KIRREL3: variants seen among roughly 807,000 people sequenced by gnomAD.
The protein encoded by KIRREL3 is kin of IRRE-like protein 3.
Under a neutral mutation model 89.7 loss-of-function variants are expected in KIRREL3, and 36 were observed. The observed-to-expected ratio is 0.40, with a 90% CI of 0.31 to 0.53. The LOEUF is 0.53. Ranked by LOEUF, KIRREL3 falls within the 20% of genes least tolerant of loss-of-function variation. KIRREL3 has a pLI of 0.49. For missense variants in KIRREL3, 864 were observed against 1,056.6 expected (o/e 0.82, Z 2.53); for synonymous variants, 445 against 441.4 (o/e 1.01, Z -0.10).
rs923762424 is a variant in KIRREL3 at position 126,956,994 on chromosome 11, C to T, written c.55+43461G>A. Among the ~76,000 whole-genome samples, 10 of 152,170 alleles carry T rather than the reference C, an allele frequency of 6.6e-5. 1 individual carries two copies. The highest frequency in any genetic ancestry group is 1.2e-4 in the African/African-American group (5 of 41,436). ...GTGTTCTTAATCTGCTTCACATGCA[C>T]GCGATCTGATTCTGCAGCACAGTTC... is the stretch of plus-strand genomic sequence containing the variant. On this transcript the variant is annotated intron_variant, in intron 1 of 16. Coordinates refer to ENST00000525144, the MANE Select transcript of KIRREL3 (RefSeq NM_032531.4).
At position 126,748,237 on chromosome 11, in the gene KIRREL3, A is replaced by C. The variant is rs1385001791; in HGVS notation, c.56-185325T>G. ...GCCTTCTGGGTGTGCAGACAATCTC[A>C]CTGTTTCACCAGCCACTTCCTTTTA... On this transcript the variant is annotated intron_variant, in intron 1 of 16. Transcript: ENST00000525144. This position sits in a 1 kb window ranked among gnomAD's most constrained non-coding sequence, Gnocchi z 4.6. Among the ~76,000 whole-genome samples the C allele has an allele frequency of 1.3e-5, 2 of 152,158 alleles. No individual in the cohort carries two copies. The highest frequency in any genetic ancestry group is 6.5e-5 in the Admixed American group (1 of 15,280).
chr11:126,694,103 A>C lies in KIRREL3; in HGVS notation c.56-131191T>G, dbSNP rs1946989820. Among the ~76,000 whole-genome samples, 1 of 152,252 alleles carries C rather than the reference A, an allele frequency of 6.6e-6. No homozygotes were observed. The highest frequency in any genetic ancestry group is 2.1e-4 in the South Asian group (1 of 4,836). On this transcript the variant is annotated intron_variant, in intron 1 of 16. Coordinates refer to ENST00000525144, the MANE Select transcript of KIRREL3 (RefSeq NM_032531.4). The surrounding 1 kb of genome is among the most constrained non-coding windows in gnomAD (Gnocchi z 4.4). ...AGTTGAATTGGCAAGTTGCAGCAGG[A>C]GATGGGAGCATGGGCTCCATCCCTA... is the stretch of plus-strand genomic sequence containing the variant.
rs1280324887 is a variant in KIRREL3, at chr11:126,905,662, T to C, written c.55+94793A>G. ...GATTCGGTGTGCTAAATGGCATGTCTCCATTCTCCAATCTGTCTGGCCATG... is the reference window on the plus strand; with the variant it reads ...GATTCGGTGTGCTAAATGGCATGTCCCCATTCTCCAATCTGTCTGGCCATG... On this transcript the variant is annotated intron_variant, in intron 1 of 16. Transcript: ENST00000525144. This position sits in a 1 kb window ranked among gnomAD's most constrained non-coding sequence, Gnocchi z 5.0. Among the ~76,000 whole-genome samples the C allele has an allele frequency of 6.6e-6, 1 of 152,056 alleles. No individual in the cohort carries two copies. The highest frequency in any genetic ancestry group is 1.5e-5 in the Non-Finnish European group (1 of 68,008).
chr11:126,663,590 G>A (rs1482357922), intron 1 of KIRREL3, among the ~76,000 whole-genome samples: 2 of 152,156 alleles, frequency 1.3e-5, no homozygotes, highest in African/African-American at 4.8e-5. Context: ...ACATCTCATG[G>A]AAGCGTATGC....
At chr11:126,816,869 T>C (rs1951590412) in intron 1 of KIRREL3, among the ~76,000 whole-genome samples, 1 of 152,174 alleles carries the variant, frequency 6.6e-6, no homozygotes, top group South Asian at 2.1e-4. Flanking sequence ...AGTGACTTAT[T>C]GAAAAGGCAC....
intron 1 of KIRREL3, among the ~76,000 whole-genome samples, chr11:126,650,904 G>C (rs949000261): frequency 1.3e-5 from 2 of 152,206 alleles, no homozygotes; most frequent in East Asian, 3.8e-4. Context: ...CACATGGCTG[G>C]GAAGATCTCA....
At position 126,999,310 on chromosome 11, in the gene KIRREL3, G is replaced by A. The variant is rs963460909; in HGVS notation, c.55+1145C>T. Among the ~76,000 whole-genome samples, 5 of 152,222 alleles carry A rather than the reference G, an allele frequency of 3.3e-5. No individual in the cohort carries two copies. Among genetic ancestry groups the A allele is most frequent in the Non-Finnish European group, 7.3e-5 (5 of 68,042 alleles). On this transcript the variant is annotated intron_variant, in intron 1 of 16. Transcript: ENST00000525144. The surrounding 1 kb of genome is among the most constrained non-coding windows in gnomAD (Gnocchi z 5.7). ...GAAAGTCTGCAGTGACCACAAGCAC[G>A]GGTGGAAGAGCAGAAGAAGGAAGCC...
At chr11:126,644,395 A>C (rs1298978589) in intron 1 of KIRREL3, among the ~76,000 whole-genome samples, 2 of 152,212 alleles carry the variant, frequency 1.3e-5, no homozygotes, top group African/African-American at 4.8e-5. Flanking sequence ...AAAATGAGTG[A>C]GGACAGAGAA....
chr11:126,925,658 C>T (rs1165052135), intron 1 of KIRREL3, among the ~76,000 whole-genome samples: 2 of 152,188 alleles, frequency 1.3e-5, no homozygotes, highest in African/African-American at 4.8e-5. Flanking sequence ...TGACTGCCAG[C>T]ATCCCGGAGC....
rs919561242 is a variant in KIRREL3, at chr11:126,791,664, G to A, written c.55+208791C>T. On this transcript the variant is annotated intron_variant, in intron 1 of 16. Transcript: ENST00000525144. The surrounding 1 kb of genome is among the most constrained non-coding windows in gnomAD (Gnocchi z 4.8). ...CAGCCATCCAGGCCACAGGGTCCAG[G>A]GGCCCAGATTCCCATGGCCAGGCCA... Among the ~76,000 whole-genome samples the A allele has an allele frequency of 6.6e-6, 1 of 152,198 alleles. No homozygotes were observed. The highest frequency in any genetic ancestry group is 1.5e-5 in the Non-Finnish European group (1 of 68,034).
rs376580312 is a variant in KIRREL3 at position 126,456,484 on chromosome 11, C to T, written c.743-30G>A. ...AGGGAGAGGAGAGTCACTTGTAGAC[C>T]GGAGAAAGAATGGGGGCAGGGAGAT... is the stretch of plus-strand genomic sequence containing the variant. On this transcript the variant is annotated intron_variant, in intron 6 of 16. Transcript: ENST00000525144. 3.0e-4 allele frequency: 432 copies of T among 1,435,324 alleles called. 2 individuals are homozygous for T. Among genetic ancestry groups the T allele is most frequent in the South Asian group, 3.0e-3 (244 of 81,254 alleles). The allele number at this position is 1,435,324 out of a possible 1,614,324, so 88.9% of individuals were successfully genotyped here. A position where few individuals can be genotyped will look rare whatever the true frequency, so the allele number is the denominator to read the frequency against.
Position 126,924,568 on chromosome 11 carries a change from C to A in KIRREL3, c.55+75887G>T, listed in dbSNP as rs1947616605. Among the ~76,000 whole-genome samples, 1 of 152,222 alleles carries A rather than the reference C, an allele frequency of 6.6e-6. No individual in the cohort carries two copies. The highest frequency in any genetic ancestry group is 6.5e-5 in the Admixed American group (1 of 15,288). On this transcript the variant is annotated intron_variant, in intron 1 of 16. Coordinates refer to ENST00000525144, the MANE Select transcript of KIRREL3 (RefSeq NM_032531.4). This position sits in a 1 kb window ranked among gnomAD's most constrained non-coding sequence, Gnocchi z 4.7. Reference sequence around the variant, plus strand: ...ACCCGACCCACAGACTGCGCTTCAGCTGCTGCTGACTCCCTCCCAGAAGGC... The same window carrying A: ...ACCCGACCCACAGACTGCGCTTCAGATGCTGCTGACTCCCTCCCAGAAGGC...
intron 4 of KIRREL3, among the ~76,000 whole-genome samples, chr11:126,483,188 G>A (rs759643366): frequency 1.3e-5 from 2 of 152,188 alleles, no homozygotes; most frequent in Non-Finnish European, 2.9e-5. Context: ...GCCTTGCTAA[G>A]TTCTTCTGGT....
At chr11:126,939,438 G>T (rs901109713) in intron 1 of KIRREL3, among the ~76,000 whole-genome samples, 2 of 152,208 alleles carry the variant, frequency 1.3e-5, no homozygotes, top group African/African-American at 4.8e-5. Flanking sequence ...CTAGGGAGAA[G>T]ACAGGCCTCA....
intron 1 of KIRREL3, among the ~76,000 whole-genome samples, chr11:126,916,121 C>G (rs926325909): frequency 6.6e-6 from 1 of 152,024 alleles, no homozygotes; most frequent in African/African-American, 2.4e-5. Flanking sequence ...CTAATGATAC[C>G]CTGAATGAGT....
At chr11:126,823,670 A>G (rs981296454) in intron 1 of KIRREL3, among the ~76,000 whole-genome samples, 24 of 152,222 alleles carry the variant, frequency 1.6e-4, no homozygotes, top group Non-Finnish European at 2.2e-4. Context: ...ATCAGTCTCC[A>G]GGCTTCTCTA....
intron 4 of KIRREL3, among the ~76,000 whole-genome samples, chr11:126,494,862 C>T (rs1037022718): frequency 9.2e-5 from 14 of 152,372 alleles, no homozygotes; most frequent in Admixed American, 2.0e-4. Context: ...CAGCCACTAC[C>T]GAGCTCATCC....
In KIRREL3 at chr11:126,463,239, C is replaced by T. The variant is rs760885296; in HGVS notation, c.660G>A (p.Glu220=). The part of the protein sequence containing the change: ...STLFISPGDV[E]NGQSIVCRAT... ...CACGACACACGATGCTCTGGCCATT[C>T]TCCACGTCACCAGGGGAGATGAAGA... Residue 220 remains glutamate, a synonymous_variant, in exon 6 of 17, where the codon GAG becomes GAA. Transcript: ENST00000525144. The surrounding 1 kb of genome is among the most constrained non-coding windows in gnomAD (Gnocchi z 5.9). 6.2e-7 allele frequency: 1 copy of T among 1,613,968 alleles called. No homozygotes were observed. Among genetic ancestry groups the T allele is most frequent in the African/African-American group, 1.3e-5 (1 of 75,054 alleles).
At chr11:126,762,223 C>G (rs1949688191) in intron 1 of KIRREL3, among the ~76,000 whole-genome samples, 1 of 152,012 alleles carries the variant, frequency 6.6e-6, no homozygotes, top group Non-Finnish European at 1.5e-5. Context: ...AAAGTCTGGT[C>G]TCCTGGTTGT....
Sources: allele counts gnomAD v4.1 joint callset (sites outside exome capture counted in the v4.1 genomes callset), GRCh38; gene constraint gnomAD v4.1.1; non-coding constraint Gnocchi (gnomAD v3.1); transcripts MANE v1.5; gene names NCBI Gene and HGNC (gene_info 2026-07-23, HGNC 2026-07-21).